COL6A6: variants seen among roughly 807,000 people sequenced by gnomAD.
The protein encoded by COL6A6 is collagen type VI alpha 6 chain.
In COL6A6, 183 loss-of-function variants were observed where a neutral mutation model predicts 208.6. The ratio of observed to expected loss-of-function variants is 0.88; its 90% CI spans 0.78 to 0.99. COL6A6 has a LOEUF of 0.99. COL6A6 is among the 50% of genes least tolerant of loss of function. The probability of loss-of-function intolerance (pLI) is 0.00; values close to 1 mark genes in which losing one functional copy is unlikely to be tolerated. For missense variants in COL6A6, 2,816 were observed against 2,815.2 expected (o/e 1.00, Z -0.01); for synonymous variants, 973 against 1,011.8 (o/e 0.96, Z 0.73).
chr3:130,526,827 C>G (rs984674288), intron 1 of COL6A6, among the ~76,000 whole-genome samples: 1 of 151,646 alleles, frequency 6.6e-6, no homozygotes, highest in African/African-American at 2.4e-5. Context: ...AAAAAAAAGT[C>G]TGTTTTTACT....
At chr3:130,566,118 A>T (rs1167977628) in intron 4 of COL6A6, among the ~76,000 whole-genome samples, 1 of 152,178 alleles carries the variant, frequency 6.6e-6, no homozygotes, top group Non-Finnish European at 1.5e-5. Flanking sequence ...ACAGAGACAG[A>T]GGGTGATGTA....
At chr3:130,600,832 A>G (rs1241687493) in intron 20 of COL6A6, among the ~76,000 whole-genome samples, 1 of 152,106 alleles carries the variant, frequency 6.6e-6, no homozygotes, top group Non-Finnish European at 1.5e-5. Context: ...TATGTAACAA[A>G]CCTACATGTT....
intron 24 of COL6A6, among the ~76,000 whole-genome samples, chr3:130,625,418 G>A (rs1483170794): frequency 6.6e-6 from 1 of 152,156 alleles, no homozygotes; most frequent in Admixed American, 6.6e-5. Context: ...TGGCATTAGG[G>A]AAACTTGACT....
chr3:130,622,639 C>T (rs1381452019), intron 24 of COL6A6, among the ~76,000 whole-genome samples: 1 of 151,698 alleles, frequency 6.6e-6, no homozygotes. Context: ...GGGCAGATCA[C>T]GAGGTCAGGA....
intron 1 of COL6A6, among the ~76,000 whole-genome samples, chr3:130,553,819 A>G (rs965352597): frequency 4.7e-5 from 7 of 148,524 alleles, no homozygotes; most frequent in African/African-American, 7.4e-5. Flanking sequence ...TGTCCTTTGA[A>G]TGGGTGTTGC....
At chr3:130,542,876 CAT>C (rs1334445802) in intron 1 of COL6A6, among the ~76,000 whole-genome samples, 2 of 142,498 alleles carry the variant, frequency 1.4e-5, no homozygotes, top group African/African-American at 5.1e-5. Context: ...TAACATAGTA[CAT>C]GTTTCTCCAT....
rs763521970 is a variant in COL6A6 at position 130,568,412 on chromosome 3, A to G, written c.2209A>G (p.Ile737Val). ...CATCACGGATGGTGAAGCTCAGGAC[A>G]TAGTAAAGGAACCAGCAGTAGTGCT... ...ILITDGEAQD[I>V]VKEPAVVLRQ... Residue 737 changes from isoleucine to valine, a missense_variant, in exon 6 of 37, where the codon ATA becomes GTA. Coordinates refer to ENST00000358511, the MANE Select transcript of COL6A6 (RefSeq NM_001102608.3). 8 of 1,613,904 alleles carry G rather than the reference A, an allele frequency of 5.0e-6. No homozygotes were observed. The Admixed American group carries it at 6.7e-5, about 13-fold the overall frequency.
At chr3:130,606,791 C>G (rs1156849317) in intron 20 of COL6A6, 140 bp from the exon 21 acceptor site, 1 of 556,094 alleles carries the variant, frequency 1.8e-6, no homozygotes, top group Non-Finnish European at 3.1e-6. Flanking sequence ...TTTCATGGTA[C>G]AGTGGAAAAT....
At chr3:130,601,196 C>T (rs779000440) in intron 20 of COL6A6, among the ~76,000 whole-genome samples, 2 of 151,402 alleles carry the variant, frequency 1.3e-5, no homozygotes, top group Non-Finnish European at 2.9e-5. Context: ...CTTCAATTTC[C>T]CCCACCCCCT....
chr3:130,599,782 C>A lies in COL6A6; in HGVS notation c.4625C>A (p.Pro1542His). ...RQGRRGWPGP[P>H]GTPGSRRKTA... ...GGCAGAAGAGGCTGGCCAGGCCCCCCCGGGACACCAGGCTCCAGAAGAAAG... is the reference window on the plus strand; with the variant it reads ...GGCAGAAGAGGCTGGCCAGGCCCCCACGGGACACCAGGCTCCAGAAGAAAG... Residue 1542 changes from proline (P) to histidine (H), a missense_variant, in exon 20 of 37, where the codon CCC becomes CAC. Pro to His is a moderately conservative substitution (Grantham distance 77, BLOSUM62 -2). Transcript: ENST00000358511. 6.2e-7 allele frequency: 1 copy of A among 1,613,744 alleles called. No homozygotes were observed. The highest frequency in any genetic ancestry group is 8.5e-7 in the Non-Finnish European group (1 of 1,179,788).
Position 130,560,150 on chromosome 3 carries a change from A to C in COL6A6, c.-31-184A>C, listed in dbSNP as rs140166171. On this transcript the variant is annotated intron_variant, in intron 1 of 36. Transcript: ENST00000358511. Reference sequence around the variant, plus strand: ...TCTGGGGACAAGAAAAACTCTTACGACTTTGTAAATATTGATGGATTGTTT... The same window carrying C: ...TCTGGGGACAAGAAAAACTCTTACGCCTTTGTAAATATTGATGGATTGTTT... 6.4e-3 allele frequency among the ~76,000 whole-genome samples: 980 copies of C among 152,288 alleles called. 14 individuals carry two copies. The highest frequency in any genetic ancestry group is 0.022 in the African/African-American group (933 of 41,554).
chr3:130,591,849 T>C (rs1389860230), intron 13 of COL6A6, among the ~76,000 whole-genome samples: 3 of 152,164 alleles, frequency 2.0e-5, no homozygotes. Flanking sequence ...AGGGGAACGC[T>C]GCGAACAAGG....
chr3:130,614,456 C>T (rs1479551436), intron 23 of COL6A6, among the ~76,000 whole-genome samples: 1 of 152,028 alleles, frequency 6.6e-6, no homozygotes, highest in African/African-American at 2.4e-5. Context: ...ACAAGAATAT[C>T]AGCCTGAAGT....
Position 130,571,056 on chromosome 3 carries a change from A to G in COL6A6, c.2640A>G (p.Gln880=), listed in dbSNP as rs772001005. Residue 880 remains glutamine (Q), a synonymous_variant, in exon 7 of 37, where the codon CAA becomes CAG. Transcript: ENST00000358511. ...LEVISVLQND[Q]AMGGSTYTAE... ...TAATTTCAGTGCTCCAGAATGACCA[A>G]GCCATGGGTGGCAGTACTTATACTG... The G allele has an allele frequency of 5.3e-5, 86 of 1,613,896 alleles. 2 individuals carry two copies. In the South Asian group the frequency reaches 9.3e-4, roughly 18 times the overall value.
chr3:130,675,200 A>G lies in COL6A6; in HGVS notation c.6597-2A>G. ...TCTATGATGTTCTCTTTTGTTGTAT[A>G]GCTTTGTTCCTGGACCACTTAAAGC... is the stretch of plus-strand genomic sequence containing the variant. On this transcript the variant is annotated splice_acceptor_variant, in intron 36 of 36. Transcript: ENST00000358511. LOFTEE classifies it high-confidence loss of function. The G allele has an allele frequency of 6.5e-7, 1 of 1,545,198 alleles. No homozygotes were observed. The highest frequency in any genetic ancestry group is 8.7e-7 in the Non-Finnish European group (1 of 1,144,994).
chr3:130,624,605 G>C (rs532540469), intron 24 of COL6A6, among the ~76,000 whole-genome samples: 1 of 152,288 alleles, frequency 6.6e-6, no homozygotes, highest in Admixed American at 6.5e-5. Flanking sequence ...TAAAAATCAA[G>C]TTTATCTTAC....
intron 7 of COL6A6, among the ~76,000 whole-genome samples, chr3:130,573,184 T>G (rs768643878): frequency 6.6e-6 from 1 of 152,250 alleles, no homozygotes. Flanking sequence ...AAATATTTAT[T>G]GGCTCAAATG....
At chr3:130,587,383 T>C (rs1221912179) in intron 11 of COL6A6, among the ~76,000 whole-genome samples, 2 of 152,208 alleles carry the variant, frequency 1.3e-5, no homozygotes, top group East Asian at 3.8e-4. Flanking sequence ...TGCCTCAGCC[T>C]CCCGAGTAGC....
chr3:130,644,316 C>T (rs951718587), intron 31 of COL6A6, among the ~76,000 whole-genome samples: 14 of 152,172 alleles, frequency 9.2e-5, no homozygotes, highest in Non-Finnish European at 1.8e-4. Context: ...GAAGTGTTCC[C>T]TGTGATGTCC....
Sources: allele counts gnomAD v4.1 joint callset (sites outside exome capture counted in the v4.1 genomes callset), GRCh38; gene constraint gnomAD v4.1.1; transcripts MANE v1.5; gene names NCBI Gene and HGNC (gene_info 2026-07-23, HGNC 2026-07-21).